ITIH3: variants seen among roughly 807,000 people sequenced by gnomAD.
The protein encoded by ITIH3 is inter-alpha-trypsin inhibitor heavy chain 3, also known as inter-alpha-trypsin inhibitor heavy chain H3.
A neutral mutation model predicts 96.5 loss-of-function variants in ITIH3; 81 were observed. The ratio of observed to expected loss-of-function variants is 0.84; its 90% CI spans 0.70 to 1.01. ITIH3 has a LOEUF of 1.01. Ranked by LOEUF, ITIH3 falls within the 50% of genes least tolerant of loss-of-function variation. The pLI, the probability that ITIH3 is intolerant of heterozygous loss-of-function variation, is 0.00. For synonymous variants in ITIH3, 422 were observed against 445.2 expected (o/e 0.95, Z 0.66); for missense variants, 1,057 against 1,139.3 (o/e 0.93, Z 1.04).
chr3:52,806,200 C>T (rs968054218), intron 17 of ITIH3, 62 bp downstream of exon 17: 6 of 1,596,104 alleles, frequency 3.8e-6, no homozygotes, highest in Admixed American at 1.7e-5. Context: ...CTGCCTGTCT[C>T]GGAGTCGAGC....
rs1471524224 is a variant in ITIH3 at position 52,802,435 on chromosome 3, C to T, written c.1485C>T (p.Phe495=). 1 of 1,614,004 alleles carries T rather than the reference C, an allele frequency of 6.2e-7. No homozygotes were observed. The highest frequency in any genetic ancestry group is 2.2e-5 in the East Asian group (1 of 44,878). The change falls in exon 12 of 22, where the codon TTC becomes TTT. Residue 495 remains phenylalanine, a synonymous_variant. Transcript: ENST00000449956. Reference sequence around the variant, plus strand: ...TCACCCAGAACACTTACCAGCACTTCTACGATGGCTCTGAGATCGTGGTGG... The same window carrying T: ...TCACCCAGAACACTTACCAGCACTTTTACGATGGCTCTGAGATCGTGGTGG... ...LDLTQNTYQH[F]YDGSEIVVAG...
At chr3:52,800,008 G>A (rs1699759987) in intron 9 of ITIH3, 87 bp downstream of exon 9, 1 of 1,311,964 alleles carries the variant, frequency 7.6e-7, no homozygotes. Context: ...TAGGGACTCT[G>A]CTGGTCTCAG....
rs377286487 is a variant in ITIH3 at position 52,804,031 on chromosome 3, G to A, written c.1864+22G>A. 73 of 1,603,500 alleles carry A rather than the reference G, an allele frequency of 4.6e-5. No homozygotes were observed. The African/African-American group carries it at 5.2e-4, about 11-fold the overall frequency. On this transcript the variant is annotated intron_variant, in intron 14 of 21. Transcript: ENST00000449956. ...GAAGGTGGGGATAGGGATGGAGGCCGGAACCCGGAGGCCTCCTGTGCTGGG... is the reference window on the plus strand; with the variant it reads ...GAAGGTGGGGATAGGGATGGAGGCCAGAACCCGGAGGCCTCCTGTGCTGGG...
intron 1 of ITIH3, 121 bp from the exon 2 acceptor site, chr3:52,795,482 G>GGT: frequency 9.7e-7 from 1 of 1,029,876 alleles, no homozygotes; most frequent in Non-Finnish European, 1.4e-6. Flanking sequence ...GGGCCACTCA[G>GGT]GTGTGTGGGG....
At chr3:52,805,040 T>TC (rs960449396) in intron 15 of ITIH3, 20 of 355,230 alleles carry the variant, frequency 5.6e-5, no homozygotes, top group Non-Finnish European at 8.9e-5. Context: ...ATAGCAACCC[T>TC]CCAAGAGGGC....
intron 8 of ITIH3, 31 bp from the exon 9 acceptor site, chr3:52,799,722 G>A (rs377601188): frequency 1.1e-5 from 17 of 1,587,938 alleles, no homozygotes; most frequent in South Asian, 2.3e-5. Flanking sequence ...TCTCTGCTGC[G>A]GCTTCTCCCA....
chr3:52,808,189 G>C lies in ITIH3; in HGVS notation c.2511G>C (p.Leu837Phe). 2 of 1,614,172 alleles carry C rather than the reference G, an allele frequency of 1.2e-6. No individual in the cohort carries two copies. Among genetic ancestry groups the C allele is most frequent in the Non-Finnish European group, 8.5e-7 (1 of 1,180,014 alleles). The change falls in exon 21 of 22, where the codon TTG (leucine) becomes TTC (phenylalanine). Residue 837 changes from leucine (L) to phenylalanine (F), a missense_variant. By Grantham distance (22) the Leu-to-Phe change is conservative. Transcript: ENST00000449956. ...ACCCCACAAAGCCAGATGCCACATT[G>C]GTGGTGAAGAACCATCAGCTGATTG... ...GSDPTKPDAT[L>F]VVKNHQLIVT...
At chr3:52,800,772 C>A in intron 10 of ITIH3, 109 bp downstream of exon 10, 1 of 1,508,198 alleles carries the variant, frequency 6.6e-7, no homozygotes, top group South Asian at 1.3e-5. Context: ...CCTGGGTTCC[C>A]TGTGGTCTGG....
intron 14 of ITIH3, 108 bp downstream of exon 14, chr3:52,804,117 A>C (rs546199674): frequency 1.6e-6 from 2 of 1,243,180 alleles, no homozygotes; most frequent in African/African-American, 3.0e-5. Context: ...GACCTGCTGA[A>C]GTAGGGCATC....
intron 13 of ITIH3, among the ~76,000 whole-genome samples, chr3:52,803,611 G>A (rs1214460395): frequency 3.9e-5 from 6 of 152,214 alleles, no homozygotes; most frequent in African/African-American, 1.4e-4. Context: ...GAGCCACCAT[G>A]CCCGGCCGGT....
Position 52,806,340 on chromosome 3 carries a change from G to A in ITIH3, c.1990G>A (p.Ala664Thr), listed in dbSNP as rs755956525. Residue 664 changes from alanine (A) to threonine (T), a missense_variant, in exon 18 of 22, where the codon GCC (alanine) becomes ACC (threonine). Physicochemically the swap from Ala to Thr is moderately conservative, Grantham distance 58. Transcript: ENST00000449956. The part of the protein sequence containing the change: ...FIIQIPEKDD[A>T]LCFNIDEAPG... ...CATCCAAATTCCGGAGAAAGACGAT[G>A]CCCTCTGCTTCAACATCGATGAAGC... 2 of 1,613,992 alleles carry A rather than the reference G, an allele frequency of 1.2e-6. No individual in the cohort carries two copies. Among genetic ancestry groups the A allele is most frequent in the East Asian group, 4.5e-5 (2 of 44,868 alleles).
chr3:52,800,839 CCA>C, intron 10 of ITIH3, 124 bp from the exon 11 acceptor site: 1 of 1,474,612 alleles, frequency 6.8e-7, no homozygotes, highest in Non-Finnish European at 9.3e-7. Flanking sequence ...ACCACCTGCC[CCA>C]CAAGGGCTCA....
In ITIH3 at chr3:52,801,014, G is replaced by A. The variant is rs775220157; in HGVS notation, c.1251G>A (p.Gly417=). 1 of 1,613,898 alleles carries A rather than the reference G, an allele frequency of 6.2e-7. No individual in the cohort carries two copies. Among genetic ancestry groups the A allele is most frequent in the Non-Finnish European group, 8.5e-7 (1 of 1,179,900 alleles). ...KIQENVRNAI[G]GKFPLYNLGF... The stretch of plus-strand genomic sequence containing the variant: ...AAGAGAATGTGCGGAATGCCATCGG[G>A]GGCAAGTTCCCCTTGTATAACCTGG... The change falls in exon 11 of 22, where the codon GGG becomes GGA. Residue 417 remains glycine (G), a synonymous_variant. Transcript: ENST00000449956.
Position 52,802,676 on chromosome 3 carries a change from G to C in ITIH3, c.1579G>C (p.Asp527His). The change falls in exon 13 of 22, where the codon GAC becomes CAC. Residue 527 changes from aspartate (D) to histidine (H), a missense_variant. Transcript: ENST00000449956. ...TCTACCCCCACCCTAGGCCACCAACGACCTGACCTTCACAGAGGAGGTGGA... is the reference window on the plus strand; with the variant it reads ...TCTACCCCCACCCTAGGCCACCAACCACCTGACCTTCACAGAGGAGGTGGA... ...ADVKGHGATNDLTFTEEVDMK... is the reference protein window; with the variant it reads ...ADVKGHGATNHLTFTEEVDMK... The C allele has an allele frequency of 6.2e-7, 1 of 1,613,806 alleles. No individual in the cohort carries two copies.
intron 6 of ITIH3, chr3:52,798,559 C>T (rs1230738329): frequency 5.1e-6 from 1 of 195,662 alleles, no homozygotes; most frequent in Non-Finnish European, 1.1e-5. Context: ...ACATTCCAAA[C>T]CTACAAGAAA....
chr3:52,796,000 C>T, intron 2 of ITIH3: 1 of 263,324 alleles, frequency 3.8e-6, no homozygotes, highest in Non-Finnish European at 7.2e-6. Flanking sequence ...TTCAACACCC[C>T]TATTGGAAAG....
Position 52,799,789 on chromosome 3 carries a change from C to A in ITIH3, c.943C>A (p.Gln315Lys), listed in dbSNP as rs3617. 0.47 allele frequency: 750,813 copies of A among 1,612,218 alleles called. 179,023 individuals are homozygous for A. Among genetic ancestry groups the A allele is most frequent in the African/African-American group, 0.71 (53,523 of 74,906 alleles). The change falls in exon 9 of 22, where the codon CAA becomes AAA. Residue 315 changes from glutamine (Q) to lysine (K), a missense_variant. Coordinates refer to ENST00000449956, the MANE Select transcript of ITIH3 (RefSeq NM_002217.4). ...CCTTCTCAGAATCCTGGAAGATATG[C>A]AAGAGGAAGACTATCTGAATTTCAT... is the stretch of plus-strand genomic sequence containing the variant. The part of the protein sequence containing the change: ...EALLRILEDM[Q>K]EEDYLNFILF...
intron 15 of ITIH3, 48 bp from the exon 16 acceptor site, chr3:52,805,760 G>A (rs1226333923): frequency 2.5e-6 from 4 of 1,611,662 alleles, no homozygotes; most frequent in Non-Finnish European, 2.5e-6. Context: ...GGGGCTGGGG[G>A]AGAAGGAACC....
intron 2 of ITIH3, among the ~76,000 whole-genome samples, chr3:52,796,268 G>T (rs1699576255): frequency 1.3e-5 from 2 of 152,178 alleles, no homozygotes; most frequent in African/African-American, 4.8e-5. Flanking sequence ...GCAGAATTAA[G>T]GAGGCAGGAC....
Sources: allele counts gnomAD v4.1 joint callset (sites outside exome capture counted in the v4.1 genomes callset), GRCh38; gene constraint gnomAD v4.1.1; transcripts MANE v1.5; gene names NCBI Gene and HGNC (gene_info 2026-07-23, HGNC 2026-07-21).